FRMD4A: variants seen among roughly 807,000 people sequenced by gnomAD.
FRMD4A encodes the protein FERM domain-containing protein 4A.
A neutral mutation model predicts 129.1 loss-of-function variants in FRMD4A; 29 were observed. That is an observed-to-expected ratio of 0.22 (90% confidence interval 0.17 to 0.31). FRMD4A has a LOEUF of 0.31. Ranked by LOEUF, FRMD4A falls within the 10% of genes least tolerant of loss-of-function variation. FRMD4A has a pLI of 1.00. For synonymous variants in FRMD4A, 634 were observed against 571.6 expected, an observed-to-expected ratio of 1.11 and a Z score of -1.56; for missense variants, 1,272 against 1,375.8, an observed-to-expected ratio of 0.92 and a Z score of 1.19.
chr10:14,143,994 A>G (rs1270057100), intron 2 of FRMD4A, among the ~76,000 whole-genome samples: 1 of 152,162 alleles, frequency 6.6e-6, no homozygotes, highest in Admixed American at 6.6e-5. Context: ...AATATATGCA[A>G]CTTTTCCACT....
chr10:13,677,101 A>T (rs2084072040), intron 15 of FRMD4A, among the ~76,000 whole-genome samples: 1 of 152,196 alleles, frequency 6.6e-6, no homozygotes, highest in Non-Finnish European at 1.5e-5. Context: ...CTATTCTTCT[A>T]TTTAACGTCT....
intron 2 of FRMD4A, among the ~76,000 whole-genome samples, chr10:14,145,866 G>C (rs61838563): frequency 6.6e-6 from 1 of 152,068 alleles, no homozygotes; most frequent in Admixed American, 6.5e-5. Flanking sequence ...TCTGATCCAG[G>C]GTTGCAACCA....
intron 8 of FRMD4A, among the ~76,000 whole-genome samples, chr10:13,757,633 C>T (rs891217465): frequency 1.3e-5 from 2 of 152,168 alleles, no homozygotes; most frequent in African/African-American, 2.4e-5. Context: ...AAACAGAGAG[C>T]CCAAAAGAAG....
In FRMD4A at chr10:14,186,036, G is replaced by A. The variant is rs564352032; in HGVS notation, c.45+144022C>T. 2.0e-5 allele frequency among the ~76,000 whole-genome samples: 3 copies of A among 152,266 alleles called. No homozygotes were observed. In the East Asian group the frequency reaches 5.8e-4, roughly 29 times the overall value. On this transcript the variant is annotated intron_variant, in intron 2 of 24. Coordinates refer to ENST00000357447, the MANE Select transcript of FRMD4A (RefSeq NM_018027.5). ...GAGCACAGCAGTGGGCAGAAGTGCG[G>A]GCTGGGACCTACCCCCGTAAAGGAG... is the stretch of plus-strand genomic sequence containing the variant.
intron 2 of FRMD4A, among the ~76,000 whole-genome samples, chr10:14,055,655 C>G (rs1834490791): frequency 6.6e-6 from 1 of 152,200 alleles, no homozygotes; most frequent in Non-Finnish European, 1.5e-5. Context: ...AAAACACCAA[C>G]TTTATTTCTT....
At chr10:13,961,832 AT>A (rs1220919199) in intron 2 of FRMD4A, among the ~76,000 whole-genome samples, 1 of 151,948 alleles carries the variant, frequency 6.6e-6, no homozygotes, top group Admixed American at 6.6e-5. Flanking sequence ...ATGGAATCAT[AT>A]TTTTTTTGTT....
intron 2 of FRMD4A, among the ~76,000 whole-genome samples, chr10:13,933,749 C>T (rs1367922895): frequency 2.6e-5 from 4 of 152,170 alleles, no homozygotes; most frequent in Non-Finnish European, 4.4e-5. Flanking sequence ...TGTTGCCTCT[C>T]TCCTGTATCT....
At position 14,185,820 on chromosome 10, in the gene FRMD4A, G is replaced by C. The variant is rs570672876; in HGVS notation, c.45+144238C>G. Reference sequence around the variant, plus strand: ...GTCCTGGGCGGAATAGGGTAGACAGGGCAGGGCCCAGTGGAGACAGCCATG... The same window carrying C: ...GTCCTGGGCGGAATAGGGTAGACAGCGCAGGGCCCAGTGGAGACAGCCATG... On this transcript the variant is annotated intron_variant, in intron 2 of 24. Transcript: ENST00000357447. Among the ~76,000 whole-genome samples, 7 of 152,178 alleles carry C rather than the reference G, an allele frequency of 4.6e-5. No homozygotes were observed. In the South Asian group the frequency reaches 1.5e-3, roughly 32 times the overall value.
chr10:14,084,828 C>T (rs2131740001), intron 2 of FRMD4A, among the ~76,000 whole-genome samples: 1 of 152,338 alleles, frequency 6.6e-6, no homozygotes, highest in Non-Finnish European at 1.5e-5. Flanking sequence ...TCGACTGCTC[C>T]TTCTCCTGAA....
rs71388139 is a variant in FRMD4A, at chr10:13,955,112, C to CTTTTTTTTTTTTTT, written c.46-96201_46-96200insAAAAAAAAAAAAAA. On this transcript the variant is annotated intron_variant, in intron 2 of 24. Coordinates refer to ENST00000357447, the MANE Select transcript of FRMD4A (RefSeq NM_018027.5). The stretch of plus-strand genomic sequence containing the variant: ...TTCCAACCCCATGTTAATAATTCTG[C>CTTTTTTTTTTTTTT]TTTTTTTTTTTTTGAGACGGAGTAT... Among the ~76,000 whole-genome samples, 421 of 102,926 alleles carry CTTTTTTTTTTTTTT rather than the reference C, an allele frequency of 4.1e-3. 62 individuals are homozygous for CTTTTTTTTTTTTTT. The highest frequency in any genetic ancestry group is 0.014 in the African/African-American group (364 of 25,860). The allele number at this position is 102,926 out of a possible 152,430, so 67.5% of individuals were successfully genotyped here. A position where few individuals can be genotyped will look rare whatever the true frequency, so the allele number is the denominator to read the frequency against.
At chr10:14,025,228 G>A (rs1832934918) in intron 2 of FRMD4A, among the ~76,000 whole-genome samples, 1 of 151,772 alleles carries the variant, frequency 6.6e-6, no homozygotes, top group African/African-American at 2.4e-5. Flanking sequence ...AATTCCTCAA[G>A]CTTCTGCCAG....
intron 2 of FRMD4A, among the ~76,000 whole-genome samples, chr10:13,986,917 C>G (rs948597905): frequency 2.6e-5 from 4 of 151,910 alleles, no homozygotes; most frequent in African/African-American, 9.7e-5. Context: ...GTCAGTGGTT[C>G]TCATACCTGT....
chr10:14,136,409 T>A (rs772689146), intron 2 of FRMD4A, among the ~76,000 whole-genome samples: 1 of 152,168 alleles, frequency 6.6e-6, no homozygotes, highest in African/African-American at 2.4e-5. Flanking sequence ...AATGGTAGCT[T>A]ATCTTCACAG....
intron 2 of FRMD4A, among the ~76,000 whole-genome samples, chr10:14,254,981 C>G (rs993797742): frequency 2.0e-5 from 3 of 152,168 alleles, no homozygotes; most frequent in African/African-American, 7.2e-5. Context: ...GACTGCTCAA[C>G]TTCCTATTAA....
chr10:14,062,257 A>G (rs968794969), intron 2 of FRMD4A, among the ~76,000 whole-genome samples: 1 of 152,230 alleles, frequency 6.6e-6, no homozygotes, highest in South Asian at 2.1e-4. Context: ...TTTGAGGTCT[A>G]TCGTTTAGGG....
At chr10:14,286,715 G>A (rs943042814) in intron 2 of FRMD4A, among the ~76,000 whole-genome samples, 2 of 152,058 alleles carry the variant, frequency 1.3e-5, no homozygotes, top group Non-Finnish European at 2.9e-5. Context: ...TCTTTCCCCA[G>A]CATGAGGAGT....
chr10:14,053,861 A>G (rs1032599647), intron 2 of FRMD4A, among the ~76,000 whole-genome samples: 1 of 152,066 alleles, frequency 6.6e-6, no homozygotes, highest in Non-Finnish European at 1.5e-5. Context: ...CCGTCTCTAC[A>G]AAAAAATGAA....
chr10:13,789,962 T>C (rs2092958609), intron 5 of FRMD4A, among the ~76,000 whole-genome samples: 1 of 152,060 alleles, frequency 6.6e-6, no homozygotes. Context: ...ATGCTCAGTG[T>C]CTTCATATAG....
intron 8 of FRMD4A, among the ~76,000 whole-genome samples, chr10:13,760,788 G>A (rs12244547): frequency 0.022 from 3,291 of 151,604 alleles, 121 homozygotes; most frequent in African/African-American, 0.075. Context: ...AGAACCTTAC[G>A]CCTTGATGCT....
Sources: allele counts gnomAD v4.1 joint callset (sites outside exome capture counted in the v4.1 genomes callset), GRCh38; gene constraint gnomAD v4.1.1; transcripts MANE v1.5; gene names NCBI Gene and HGNC (gene_info 2026-07-23, HGNC 2026-07-21).